Variants in NECTIN1 observed in about 807,000 individuals in gnomAD.
The protein encoded by NECTIN1 is nectin-1.
NECTIN1 carries 23 observed loss-of-function variants against 48.0 expected under a neutral mutation model. That is an observed-to-expected ratio of 0.48 (90% CI 0.34 to 0.68). The LOEUF is 0.68. Among genes scored for constraint, NECTIN1 ranks in the 30% least tolerant of loss-of-function variants. The pLI is 0.01. For missense variants in NECTIN1, 591 were observed against 709.9 expected, an observed-to-expected ratio of 0.83 and a Z score of 1.90; for synonymous variants, 270 against 288.9, an observed-to-expected ratio of 0.93 and a Z score of 0.66.
In NECTIN1 at chr11:119,661,112, C is replaced by T; in HGVS notation, c.*3635G>A. The T allele has an allele frequency of 2.0e-6, 2 of 985,648 alleles. No individual in the cohort carries two copies. Among genetic ancestry groups the T allele is most frequent in the Non-Finnish European group, 2.4e-6 (2 of 829,826 alleles). The allele number at this position is 985,648 out of a possible 1,614,324, so 61.1% of individuals were successfully genotyped here. On this transcript the variant is annotated 3_prime_UTR_variant, in exon 6 of 6. Coordinates refer to ENST00000264025, the MANE Select transcript of NECTIN1 (RefSeq NM_002855.5). ...ATGCAAACACCCCCCAGGTCAGAAC[C>T]AGGAGGATCTGCTGGGCTGTCCCTG...
At chr11:119,702,590 G>A (rs1444271959) in intron 1 of NECTIN1, among the ~76,000 whole-genome samples, 3 of 93,126 alleles carry the variant, frequency 3.2e-5, no homozygotes, top group Non-Finnish European at 7.2e-5. Flanking sequence ...GAAGATCCCC[G>A]TTCTCTCAGT....
chr11:119,681,635 C>A (rs1471023384), intron 1 of NECTIN1, among the ~76,000 whole-genome samples: 3 of 152,134 alleles, frequency 2.0e-5, no homozygotes, highest in African/African-American at 7.2e-5. Context: ...ACCCCAGAGG[C>A]CCCCTTACAT....
At chr11:119,650,502 A>C (rs953085692) in intron 5 of NECTIN1, among the ~76,000 whole-genome samples, 5 of 152,156 alleles carry the variant, frequency 3.3e-5, no homozygotes, top group African/African-American at 1.2e-4. Context: ...TTGCTGATAC[A>C]TGGGTGTACA....
At chr11:119,698,110 C>T (rs1022040070) in intron 1 of NECTIN1, among the ~76,000 whole-genome samples, 1 of 152,272 alleles carries the variant, frequency 6.6e-6, no homozygotes, top group African/African-American at 2.4e-5. Flanking sequence ...CCCTGCCTGA[C>T]ATGCTGCCCC....
Position 119,664,120 on chromosome 11 carries a change from A to G in NECTIN1, c.*627T>C. On this transcript the variant is annotated 3_prime_UTR_variant, in exon 6 of 6. Coordinates refer to ENST00000264025, the MANE Select transcript of NECTIN1 (RefSeq NM_002855.5). ...GGAAAAAAAATGTAAAACCACCCTCAGCAGGAAAACACTGCCCAAGGCCCC... is the reference window on the plus strand; with the variant it reads ...GGAAAAAAAATGTAAAACCACCCTCGGCAGGAAAACACTGCCCAAGGCCCC... 1.0e-6 allele frequency: 1 copy of G among 985,966 alleles called. No individual in the cohort carries two copies. The highest frequency in any genetic ancestry group is 1.2e-6 in the Non-Finnish European group (1 of 830,076). 61.1% of individuals were successfully genotyped at this position (985,966 alleles called of 1,614,324 possible).
chr11:119,668,376 C>T (rs565133025), intron 5 of NECTIN1, among the ~76,000 whole-genome samples: 3 of 152,244 alleles, frequency 2.0e-5, no homozygotes, highest in Non-Finnish European at 4.4e-5. Context: ...CACAACCACT[C>T]GCTTTCTCAA....
At chr11:119,649,066 G>A (rs1166964238) in intron 5 of NECTIN1, among the ~76,000 whole-genome samples, 1 of 152,200 alleles carries the variant, frequency 6.6e-6, no homozygotes, top group Admixed American at 6.5e-5. Context: ...TCTGGGAGCT[G>A]GGCCACAGTG....
At chr11:119,713,894 CA>C (rs1445950945) in intron 1 of NECTIN1, 2 of 455,746 alleles carry the variant, frequency 4.4e-6, no homozygotes, top group Non-Finnish European at 8.8e-6. Flanking sequence ...TGTCTGATGC[CA>C]GGGGGGTGCC....
chr11:119,645,609 G>C (rs998612607), intron 5 of NECTIN1, among the ~76,000 whole-genome samples: 1 of 152,170 alleles, frequency 6.6e-6, no homozygotes, highest in Non-Finnish European at 1.5e-5. Context: ...CCAAGGTCCA[G>C]TCAGGCCCAT....
chr11:119,677,764 G>A lies in NECTIN1; in HGVS notation c.524C>T (p.Ala175Val). The stretch of plus-strand genomic sequence containing the variant: ...TACCACACTGGGAGGCTTCCCATTG[G>A]CTGAGGTGCAGGTGGCCACCAGGAC... ...DKVLVATCTS[A>V]NGKPPSVVSW... The change falls in exon 3 of 6, where the codon GCC (alanine) becomes GTC (valine). Residue 175 changes from alanine (A) to valine (V), a missense_variant. Ala to Val is a moderately conservative substitution (Grantham distance 64). Coordinates refer to ENST00000264025, the MANE Select transcript of NECTIN1 (RefSeq NM_002855.5). This position sits in a 1 kb window ranked among gnomAD's most constrained non-coding sequence, Gnocchi z 5.4. 1 of 1,614,122 alleles carries A rather than the reference G, an allele frequency of 6.2e-7. No individual in the cohort carries two copies. The highest frequency in any genetic ancestry group is 8.5e-7 in the Non-Finnish European group (1 of 1,180,014).
At position 119,703,380 on chromosome 11, in the gene NECTIN1, G is replaced by A. The variant is rs146821510; in HGVS notation, c.80-24615C>T. Among the ~76,000 whole-genome samples, 686 of 152,318 alleles carry A rather than the reference G, an allele frequency of 4.5e-3. 6 individuals are homozygous for A. Among genetic ancestry groups the A allele is most frequent in the African/African-American group, 0.015 (627 of 41,574 alleles). On this transcript the variant is annotated intron_variant, in intron 1 of 5. Coordinates refer to ENST00000264025, the MANE Select transcript of NECTIN1 (RefSeq NM_002855.5). ...ATGTCTTTCAGCAAGGGGCAGTCAGGCATCTCCAGAGCTCAGAGGCTGGCT... is the reference window on the plus strand; with the variant it reads ...ATGTCTTTCAGCAAGGGGCAGTCAGACATCTCCAGAGCTCAGAGGCTGGCT...
chr11:119,690,518 C>T (rs1278918008), intron 1 of NECTIN1, among the ~76,000 whole-genome samples: 2 of 152,178 alleles, frequency 1.3e-5, no homozygotes, highest in Non-Finnish European at 2.9e-5. Context: ...TTTCTCTTGA[C>T]TTCTTCAGCT....
At chr11:119,645,845 A>AGCC (rs1250308583) in intron 5 of NECTIN1, among the ~76,000 whole-genome samples, 1 of 152,164 alleles carries the variant, frequency 6.6e-6, no homozygotes, top group African/African-American at 2.4e-5. Flanking sequence ...CTTTCCTCTG[A>AGCC]GCCAGGGTGG....
Position 119,652,036 on chromosome 11 carries a change from T to C in NECTIN1, c.1004-12024A>G, listed in dbSNP as rs375796690. On this transcript the variant is annotated intron_variant, in intron 5 of 7. Coordinates refer to the NECTIN1 transcript ENST00000341398. ...TCCTAGTCCAGGCCTCTCGCCAGCATATTACCTCCCTCCCGCCGGCTGCCA... is the reference window on the plus strand; with the variant it reads ...TCCTAGTCCAGGCCTCTCGCCAGCACATTACCTCCCTCCCGCCGGCTGCCA... 3.0e-4 allele frequency among the ~76,000 whole-genome samples: 46 copies of C among 152,184 alleles called. 1 individual carries two copies. The South Asian group carries it at 8.5e-3, about 28-fold the overall frequency.
At chr11:119,681,217 G>T (rs1865056015) in intron 1 of NECTIN1, among the ~76,000 whole-genome samples, 1 of 152,274 alleles carries the variant, frequency 6.6e-6, no homozygotes, top group Admixed American at 6.5e-5. Flanking sequence ...CCCCCAGGCT[G>T]CTGGAGGCTG....
rs553697657 is a variant in NECTIN1 at position 119,675,612 on chromosome 11, G to A, written c.852-302C>T. 138 of 347,274 alleles carry A rather than the reference G, an allele frequency of 4.0e-4. 1 individual carries two copies. The highest frequency in any genetic ancestry group is 5.4e-4 in the Non-Finnish European group (100 of 184,074). 21.5% of individuals were successfully genotyped at this position (347,274 alleles called of 1,614,324 possible). On this transcript the variant is annotated intron_variant, in intron 4 of 5. Coordinates refer to ENST00000264025, the MANE Select transcript of NECTIN1 (RefSeq NM_002855.5). ...ACCACAGCTAGCAGGCAGCAGCATG[G>A]GAGCTCCAGCCAATTCTCGGGACTC...
Position 119,677,486 on chromosome 11 carries a change from A to T in NECTIN1, c.733+69T>A. ...CCCCAGAAAGAGAAAGGGAGGAGAA[A>T]GGAGAGGAGGAGGGAGGAGGGACAG... On this transcript the variant is annotated intron_variant, in intron 3 of 5. Coordinates refer to ENST00000264025, the MANE Select transcript of NECTIN1 (RefSeq NM_002855.5). This position sits in a 1 kb window ranked among gnomAD's most constrained non-coding sequence, Gnocchi z 5.4. 6.5e-7 allele frequency: 1 copy of T among 1,529,056 alleles called. No individual in the cohort carries two copies. Among genetic ancestry groups the T allele is most frequent in the Non-Finnish European group, 9.0e-7 (1 of 1,104,990 alleles). The allele number at this position is 1,529,056 out of a possible 1,614,324, so 94.7% of individuals were successfully genotyped here. A position where few individuals can be genotyped will look rare whatever the true frequency, so the allele number is the denominator to read the frequency against.
chr11:119,669,379 C>T (rs1284493458), intron 5 of NECTIN1, among the ~76,000 whole-genome samples: 1 of 148,452 alleles, frequency 6.7e-6, no homozygotes, highest in Non-Finnish European at 1.5e-5. Flanking sequence ...CCATTGCACT[C>T]CAGCCTGGGC....
At position 119,728,509 on chromosome 11, in the gene NECTIN1, TC is replaced by T; in HGVS notation, c.44del (p.Gly15AspfsTer6). ...GLAGAAGRWW[G>X]LALGLTAFFL... ...AGAATGCGGTCAAGCCGAGAGCGAG[TC>T]CCCACCAGCGTCCAGCGGCGCCCGC... On this transcript the variant is annotated frameshift_variant, in exon 1 of 6. Coordinates refer to ENST00000264025, the MANE Select transcript of NECTIN1 (RefSeq NM_002855.5). LOFTEE classifies it high-confidence loss of function. 1 of 1,597,806 alleles carries T rather than the reference TC, an allele frequency of 6.3e-7. No homozygotes were observed. The highest frequency in any genetic ancestry group is 8.5e-7 in the Non-Finnish European group (1 of 1,172,910).
Sources: gnomAD v4.1 joint callset for allele counts (sites outside exome capture counted in the v4.1 genomes callset) on GRCh38, gnomAD v4.1.1 for gene constraint, Gnocchi (gnomAD v3.1) non-coding constraint, MANE v1.5 for transcripts, NCBI Gene and HGNC (gene_info 2026-07-23, HGNC 2026-07-21) for gene names.